The following CACNA1A variants were observed in gnomAD, a reference collection of about 807,000 sequenced individuals.
The protein encoded by CACNA1A is calcium voltage-gated channel subunit alpha1 A.
A neutral mutation model predicts 262.4 loss-of-function variants in CACNA1A; 57 were observed. That is an observed-to-expected ratio of 0.22 (90% confidence interval 0.18 to 0.27). CACNA1A has a LOEUF of 0.27. Among genes scored for constraint, CACNA1A ranks in the 10% least tolerant of loss-of-function variants. The pLI, the probability that CACNA1A is intolerant of heterozygous loss-of-function variation, is 1.00. For synonymous variants in CACNA1A, 1,431 were observed against 1,419.3 expected (o/e 1.01, Z -0.18); for missense variants, 2,526 against 3,562.8 (o/e 0.71, Z 7.41).
intron 3 of CACNA1A, among the ~76,000 whole-genome samples, chr19:13,439,566 A>AT (rs201258979): frequency 0.016 from 2,169 of 138,998 alleles, 42 homozygotes; most frequent in African/African-American, 0.048. Flanking sequence ...TGCCTGGCTA[A>AT]TTTTTTTTTT....
chr19:13,326,789 A>C (rs1282544103), intron 10 of CACNA1A, among the ~76,000 whole-genome samples: 1 of 6,670 alleles, frequency 1.5e-4, no homozygotes, highest in Non-Finnish European at 2.4e-4. Context: ...ACACTGTCTC[A>C]AAAAAAAAAA....
chr19:13,314,430 T>A (rs1431748999), intron 11 of CACNA1A, among the ~76,000 whole-genome samples: 2 of 152,162 alleles, frequency 1.3e-5, no homozygotes, highest in African/African-American at 4.8e-5. Context: ...GTCATTACGG[T>A]AGAGCTCTCA....
At chr19:13,365,055 C>G in intron 5 of CACNA1A, 1 of 309,886 alleles carries the variant, frequency 3.2e-6, no homozygotes, top group Non-Finnish European at 6.0e-6. Context: ...TCTCTGCTCA[C>G]TTCCTCATTC....
chr19:13,348,560 A>G (rs1462511525), intron 6 of CACNA1A, among the ~76,000 whole-genome samples: 3 of 151,708 alleles, frequency 2.0e-5, no homozygotes, highest in African/African-American at 7.3e-5. Flanking sequence ...AAAAATTGGC[A>G]GGCACAGTGG....
intron 11 of CACNA1A, chr19:13,316,551 T>TAAA (rs2058130472): frequency 1.4e-5 from 1 of 69,532 alleles, no homozygotes; most frequent in Non-Finnish European, 2.5e-5. Context: ...GTAACTGTGG[T>TAAA]TAAAAAAAAA....
rs1192776476 is a variant in CACNA1A at position 13,209,020 on chromosome 19, T to C, written c.6527-11A>G. On this transcript the variant is annotated splice_polypyrimidine_tract_variant and intron_variant, in intron 45 of 46. Coordinates refer to ENST00000360228, the MANE Select transcript of CACNA1A (RefSeq NM_001127222.2). The stretch of plus-strand genomic sequence containing the variant: ...GGTCTGTCCCCAAGCCTGGGCCGGG[T>C]GAGGGTCAGACAGACACACAGGTGG... 46 of 1,536,342 alleles carry C rather than the reference T, an allele frequency of 3.0e-5. No homozygotes were observed. The highest frequency in any genetic ancestry group is 3.7e-5 in the Non-Finnish European group (43 of 1,146,800).
intron 1 of CACNA1A, among the ~76,000 whole-genome samples, chr19:13,493,424 T>A (rs987888392): frequency 1.3e-5 from 2 of 152,246 alleles, no homozygotes; most frequent in Non-Finnish European, 1.5e-5. Context: ...GCCAGTAGCA[T>A]CTTGCCCCCT....
At chr19:13,362,802 T>G in intron 5 of CACNA1A, 1 of 152,210 alleles carries the variant, frequency 6.6e-6, no homozygotes, top group South Asian at 2.1e-4. Context: ...CCACTTTATC[T>G]TTGCTTCCTT....
chr19:13,260,332 AT>A (rs1179189303), intron 26 of CACNA1A: 2 of 77,136 alleles, frequency 2.6e-5, no homozygotes, highest in Non-Finnish European at 6.8e-5. Flanking sequence ...ATATATATAT[AT>A]TTTTGTTGTT....
At position 13,230,118 on chromosome 19, in the gene CACNA1A, T is replaced by C; in HGVS notation, c.5492A>G (p.Tyr1831Cys). The C allele has an allele frequency of 6.2e-7, 1 of 1,613,830 alleles. No individual in the cohort carries two copies. Among genetic ancestry groups the C allele is most frequent in the Non-Finnish European group, 8.5e-7 (1 of 1,179,856 alleles). Residue 1831 changes from tyrosine (Y) to cysteine (C), a missense_variant, in exon 36 of 47, where the codon TAC (tyrosine) becomes TGC (cysteine). Transcript: ENST00000360228. ...SILGPHHLDE[Y>C]VRVWAEYDPA... ...GTCATACTCGGCCCAGACACGCACG[T>C]ACTCATCCAGGTGGTGGGGGCCCAG...
In CACNA1A at chr19:13,277,126, C is replaced by A; in HGVS notation, c.3825G>T (p.Val1275=). 6.2e-7 allele frequency: 1 copy of A among 1,611,006 alleles called. No homozygotes were observed. ...TAAAAACGTAGTCAAAGTATCGCAG[C>A]ACCTGTAAGGGATAAAAGCAAGAGA... The part of the protein sequence containing the change: ...PVQPNAPRNN[V]LRYFDYVFTG... Residue 1275 remains valine, a splice_region_variant and synonymous_variant, in exon 23 of 47, where the codon GTG becomes GTT. Coordinates refer to ENST00000360228, the MANE Select transcript of CACNA1A (RefSeq NM_001127222.2).
At chr19:13,361,123 C>T (rs538287745) in intron 5 of CACNA1A, among the ~76,000 whole-genome samples, 1 of 152,148 alleles carries the variant, frequency 6.6e-6, no homozygotes, top group African/African-American at 2.4e-5. Flanking sequence ...TTGGGATGTA[C>T]TGGGCTCAGG....
chr19:13,488,804 G>A (rs564565887), intron 1 of CACNA1A, among the ~76,000 whole-genome samples: 5 of 151,992 alleles, frequency 3.3e-5, no homozygotes, highest in South Asian at 2.1e-4. Context: ...GGTAGGGGAT[G>A]AGATTCTGCA....
At chr19:13,365,283 A>G in intron 5 of CACNA1A, 34 bp downstream of exon 5, 1 of 1,581,106 alleles carries the variant, frequency 6.3e-7, no homozygotes, top group Non-Finnish European at 8.6e-7. Context: ...TGAAGGAGAA[A>G]ACTGGAAAGA....
chr19:13,308,049 T>C lies in CACNA1A; in HGVS notation c.1913+71A>G. The stretch of plus-strand genomic sequence containing the variant: ...GCTACGAGGAAGGCAGCCTGCACGG[T>C]GGAGGGGACTGTGTGTTCCCTGAGC... On this transcript the variant is annotated intron_variant, in intron 14 of 46. Coordinates refer to ENST00000360228, the MANE Select transcript of CACNA1A (RefSeq NM_001127222.2). This position sits in a 1 kb window ranked among gnomAD's most constrained non-coding sequence, Gnocchi z 4.2. 6.3e-7 allele frequency: 1 copy of C among 1,583,022 alleles called. No individual in the cohort carries two copies. The highest frequency in any genetic ancestry group is 8.6e-7 in the Non-Finnish European group (1 of 1,158,816).
intron 44 of CACNA1A, among the ~76,000 whole-genome samples, chr19:13,210,010 C>T (rs536794982): frequency 2.6e-4 from 39 of 151,150 alleles, no homozygotes; most frequent in Middle Eastern, 3.4e-3. Flanking sequence ...TCCCGGCTAA[C>T]GGGGCTGTGC....
intron 1 of CACNA1A, among the ~76,000 whole-genome samples, chr19:13,464,193 G>A (rs753417000): frequency 1.6e-4 from 25 of 152,160 alleles, no homozygotes; most frequent in Non-Finnish European, 2.9e-4. Flanking sequence ...TTTGAGGACA[G>A]CCTGGGCGAC....
At chr19:13,244,479 C>G (rs1195906093) in intron 31 of CACNA1A, 1 of 152,394 alleles carries the variant, frequency 6.6e-6, no homozygotes, top group African/African-American at 2.4e-5. Context: ...CATTGCTTCC[C>G]CCTGCAAGGA....
intron 3 of CACNA1A, among the ~76,000 whole-genome samples, chr19:13,390,609 G>A (rs2059694705): frequency 6.6e-6 from 1 of 152,098 alleles, no homozygotes; most frequent in South Asian, 2.1e-4. Context: ...ACCACACAGT[G>A]CTAGGGACCT....
Sources: gnomAD v4.1 joint callset for allele counts (sites outside exome capture counted in the v4.1 genomes callset) on GRCh38, gnomAD v4.1.1 for gene constraint, Gnocchi (gnomAD v3.1) non-coding constraint, MANE v1.5 for transcripts, NCBI Gene and HGNC (gene_info 2026-07-23, HGNC 2026-07-21) for gene names.